Variants in TPO observed in about 807,000 individuals in gnomAD.
The protein encoded by TPO is thyroid peroxidase.
Under a neutral mutation model 96.9 loss-of-function variants are expected in TPO, and 78 were observed. The ratio of observed to expected loss-of-function variants is 0.81; its 90% confidence interval spans 0.67 to 0.97. TPO has a LOEUF of 0.97. TPO is among the 50% of genes least tolerant of loss of function. The pLI is 0.00. For synonymous variants in TPO, 547 were observed against 538.0 expected (o/e 1.02, Z -0.23); for missense variants, 1,252 against 1,274.8 (o/e 0.98, Z 0.27).
chr2:1,401,501 A>G (rs1662171889), intron 1 of TPO, among the ~76,000 whole-genome samples: 1 of 152,036 alleles, frequency 6.6e-6, no homozygotes, highest in Non-Finnish European at 1.5e-5. Context: ...TTCCCAGCCT[A>G]GTGTCCTCCC....
chr2:1,380,572 A>G (rs1201465189), intron 1 of TPO, among the ~76,000 whole-genome samples: 2 of 152,160 alleles, frequency 1.3e-5, no homozygotes, highest in Non-Finnish European at 2.9e-5. Flanking sequence ...AGAAAATAGT[A>G]AATAAATTGT....
chr2:1,510,603 T>C (rs1015827030), intron 14 of TPO, among the ~76,000 whole-genome samples: 4 of 152,090 alleles, frequency 2.6e-5, no homozygotes, highest in African/African-American at 9.7e-5. Context: ...ACCCACTACG[T>C]CTCTTCCTCC....
chr2:1,477,399 A>G lies in TPO; in HGVS notation c.1133A>G (p.Glu378Gly). Residue 378 changes from glutamate to glycine, a missense_variant, in exon 8 of 17, where the codon GAG becomes GGG. Physicochemically the swap from Glu to Gly is moderately conservative, Grantham distance 98. Coordinates refer to ENST00000329066, the MANE Select transcript of TPO (RefSeq NM_001206744.2). ...CGCGCGCCTGCGGCCTGTGCGCCCG[A>G]GCCCGGCATCCCCGGAGAGACCCGC... ...PPRAPAACAP[E>G]PGIPGETRGP... The G allele has an allele frequency of 6.6e-7, 1 of 1,525,452 alleles. No homozygotes were observed. The highest frequency in any genetic ancestry group is 8.8e-7 in the Non-Finnish European group (1 of 1,139,248). 94.5% of individuals were successfully genotyped at this position (1,525,452 alleles called of 1,614,324 possible). A position where few individuals can be genotyped will look rare whatever the true frequency, so the allele number is the denominator to read the frequency against.
chr2:1,427,934 G>A (rs992425165), intron 3 of TPO, among the ~76,000 whole-genome samples: 1 of 152,194 alleles, frequency 6.6e-6, no homozygotes, highest in South Asian at 2.1e-4. Context: ...TTACTGGGAT[G>A]ACAGACAGAA....
At chr2:1,395,189 GC>G (rs1662061570) in intron 1 of TPO, among the ~76,000 whole-genome samples, 1 of 152,064 alleles carries the variant, frequency 6.6e-6, no homozygotes, top group African/African-American at 2.4e-5. Flanking sequence ...TCCCAGGTGT[GC>G]CCTTGGAAGG....
intron 5 of TPO, among the ~76,000 whole-genome samples, chr2:1,442,108 G>T (rs561587805): frequency 6.6e-6 from 1 of 152,260 alleles, no homozygotes; most frequent in East Asian, 1.9e-4. Flanking sequence ...GCTCCTCCTT[G>T]CCTTCCACCA....
At chr2:1,527,417 CA>C (rs1307064929) in intron 15 of TPO, among the ~76,000 whole-genome samples, 1 of 144,840 alleles carries the variant, frequency 6.9e-6, no homozygotes, top group Non-Finnish European at 1.5e-5. Context: ...GCAACCTCCT[CA>C]AATCCTCCGC....
intron 7 of TPO, among the ~76,000 whole-genome samples, chr2:1,467,168 A>G (rs899800175): frequency 1.6e-4 from 24 of 151,922 alleles, no homozygotes; most frequent in African/African-American, 5.6e-4. Flanking sequence ...TAGTGGCACA[A>G]TCTCGGCTGA....
At chr2:1,468,704 A>G (rs1416056742) in intron 7 of TPO, among the ~76,000 whole-genome samples, 1 of 152,200 alleles carries the variant, frequency 6.6e-6, no homozygotes, top group Non-Finnish European at 1.5e-5. Flanking sequence ...TCTTTTAGCA[A>G]TGAATTCTCC....
intron 1 of TPO, among the ~76,000 whole-genome samples, chr2:1,380,175 A>C (rs951183154): frequency 2.6e-5 from 4 of 152,258 alleles, no homozygotes; most frequent in Admixed American, 1.3e-4. Flanking sequence ...TGGGCGGATC[A>C]TGAGGTCAGG....
intron 1 of TPO, among the ~76,000 whole-genome samples, chr2:1,379,611 A>T (rs556197136): frequency 2.0e-4 from 31 of 152,176 alleles, no homozygotes; most frequent in African/African-American, 7.0e-4. Flanking sequence ...CCTTCTTGTA[A>T]ACCAGGGCGT....
At chr2:1,436,156 T>G in intron 4 of TPO, 96 bp from the exon 5 acceptor site, 2 of 1,598,802 alleles carry the variant, frequency 1.3e-6, no homozygotes, top group South Asian at 2.2e-5. Context: ...AATCCCAAAT[T>G]CAGATGCTGG....
chr2:1,396,825 G>A lies in TPO; in HGVS notation n.180+22423G>A, dbSNP rs561527699. Among the ~76,000 whole-genome samples the A allele has an allele frequency of 2.0e-4, 30 of 152,228 alleles. 1 individual carries two copies. Among genetic ancestry groups the A allele is most frequent in the Middle Eastern group, 3.4e-3 (1 of 294 alleles). On this transcript the variant is annotated intron_variant and non_coding_transcript_variant, in intron 1 of 5. Transcript: ENST00000497517. ...GGGCAAATGAATCCATCCTTGCTCC[G>A]TTGTGCCTCAGGAAAACATGCAATT...
chr2:1,404,069 T>C (rs1662212628), intron 1 of TPO, among the ~76,000 whole-genome samples: 1 of 152,224 alleles, frequency 6.6e-6, no homozygotes, highest in African/African-American at 2.4e-5. Context: ...CCCATAGCTA[T>C]GGATCTCCCG....
intron 7 of TPO, among the ~76,000 whole-genome samples, chr2:1,463,247 C>T (rs1053443798): frequency 6.6e-6 from 1 of 152,054 alleles, no homozygotes; most frequent in Non-Finnish European, 1.5e-5. Context: ...CCTGTCCATC[C>T]CCAGGGCAGC....
At chr2:1,380,370 G>C (rs941166339) in intron 1 of TPO, among the ~76,000 whole-genome samples, 1 of 148,160 alleles carries the variant, frequency 6.7e-6, no homozygotes, top group Non-Finnish European at 1.5e-5. Context: ...CTCCAGCCTG[G>C]GCGACAGAGC....
At chr2:1,538,754 C>T (rs1423464475) in intron 15 of TPO, among the ~76,000 whole-genome samples, 2 of 152,098 alleles carry the variant, frequency 1.3e-5, no homozygotes, top group Admixed American at 6.5e-5. Context: ...AAGAACCACA[C>T]GTTTGGTGGC....
chr2:1,539,977 T>TCAC (rs1680539085), intron 15 of TPO, among the ~76,000 whole-genome samples: 1 of 152,226 alleles, frequency 6.6e-6, no homozygotes, highest in South Asian at 2.1e-4. Context: ...TACTTACAGT[T>TCAC]AAATCCCACA....
At chr2:1,442,349 A>G (rs1216918067) in intron 5 of TPO, among the ~76,000 whole-genome samples, 1 of 152,072 alleles carries the variant, frequency 6.6e-6, no homozygotes, top group African/African-American at 2.4e-5. Context: ...TGTGTGCCAC[A>G]ACAGCCAGAA....
Sources: gnomAD v4.1 joint callset for allele counts (sites outside exome capture counted in the v4.1 genomes callset) on GRCh38, gnomAD v4.1.1 for gene constraint, MANE v1.5 for transcripts, NCBI Gene and HGNC (gene_info 2026-07-23, HGNC 2026-07-21) for gene names.